Variants in UNC13A observed in about 807,000 individuals in gnomAD.
UNC13A encodes the protein unc-13 homolog A.
A neutral mutation model predicts 219.7 loss-of-function variants in UNC13A; 61 were observed. The observed-to-expected ratio is 0.28, with a 90% confidence interval of 0.23 to 0.34. The LOEUF (loss-of-function observed/expected upper bound fraction) is 0.34. UNC13A is among the 10% of genes least tolerant of loss of function. UNC13A has a pLI of 1.00. For missense variants in UNC13A, 1,476 were observed against 2,270.3 expected (o/e 0.65, Z 7.11); for synonymous variants, 920 against 884.6 (o/e 1.04, Z -0.71).
chr19:17,619,982 G>A (rs1183766526), intron 38 of UNC13A, among the ~76,000 whole-genome samples: 1 of 152,206 alleles, frequency 6.6e-6, no homozygotes, highest in Non-Finnish European at 1.5e-5. Flanking sequence ...GACTGAACAA[G>A]TCTTTGCTCA....
At chr19:17,624,990 C>G in intron 34 of UNC13A, 38 bp from the exon 35 acceptor site, 2 of 1,596,422 alleles carry the variant, frequency 1.3e-6, no homozygotes, top group Non-Finnish European at 1.7e-6. Context: ...GGGCCCAGCT[C>G]GCCCCCACCC....
chr19:17,652,541 T>A, intron 12 of UNC13A, 90 bp downstream of exon 12: 4 of 1,549,006 alleles, frequency 2.6e-6, no homozygotes, highest in East Asian at 2.2e-5. Flanking sequence ...GAACCCCTCC[T>A]CCTCCTCTCT....
At chr19:17,630,092 T>C in intron 30 of UNC13A, 53 bp downstream of exon 30, 2 of 1,530,136 alleles carry the variant, frequency 1.3e-6, no homozygotes, top group Non-Finnish European at 1.8e-6. Context: ...CAGACTTCAA[T>C]TCCCTAACCC....
At chr19:17,641,264 C>A in intron 21 of UNC13A, 129 bp downstream of exon 21, 1 of 1,186,614 alleles carries the variant, frequency 8.4e-7, no homozygotes, top group Non-Finnish European at 1.2e-6. Flanking sequence ...AGGGGAATTA[C>A]GGAACCCACC....
At chr19:17,631,132 T>C (rs1347742272) in intron 28 of UNC13A, among the ~76,000 whole-genome samples, 1 of 129,656 alleles carries the variant, frequency 7.7e-6, no homozygotes, top group African/African-American at 2.8e-5. Flanking sequence ...GGCAAGTGGG[T>C]TTATTCTCTG....
At chr19:17,609,478 G>C (rs141346276) in intron 43 of UNC13A, among the ~76,000 whole-genome samples, 231 of 152,046 alleles carry the variant, frequency 1.5e-3, no homozygotes, top group African/African-American at 5.2e-3. Context: ...TGCCCCAACG[G>C]TCCTGACAAG....
Position 17,649,719 on chromosome 19 carries a change from C to T in UNC13A, c.1440-132G>A. ...CCCTCAAAAAAAAGATACGCTGATG[C>T]CCTAACCCCCACTACCTCAGAAGGT... On this transcript the variant is annotated intron_variant, in intron 12 of 43. Transcript: ENST00000519716. The surrounding 1 kb of genome is among the most constrained non-coding windows in gnomAD (Gnocchi z 4.4). 2 of 913,218 alleles carry T rather than the reference C, an allele frequency of 2.2e-6. No homozygotes were observed. The highest frequency in any genetic ancestry group is 3.4e-6 in the Non-Finnish European group (2 of 582,292). The allele number at this position is 913,218 out of a possible 1,614,324, so 56.6% of individuals were successfully genotyped here. A position where few individuals can be genotyped will look rare whatever the true frequency, so the allele number is the denominator to read the frequency against.
rs115440236 is a variant in UNC13A at position 17,672,333 on chromosome 19, G to A, written c.270+45C>T. On this transcript the variant is annotated intron_variant, in intron 4 of 43. Transcript: ENST00000519716. ...TTAGTCCACTGGTCTCTGGGCTTCT[G>A]CAAGGCACTCCTCCTTCTTCACCCT... 1,111 of 1,519,894 alleles carry A rather than the reference G, an allele frequency of 7.3e-4. 9 individuals carry two copies. The African/African-American group carries it at 0.014, about 19-fold the overall frequency. 94.2% of individuals were successfully genotyped at this position (1,519,894 alleles called of 1,614,324 possible).
Position 17,606,671 on chromosome 19 carries a change from C to A in UNC13A, c.4812-317G>T, listed in dbSNP as rs10410630. 5.2e-3 allele frequency among the ~76,000 whole-genome samples: 793 copies of A among 151,834 alleles called. 13 individuals are homozygous for A. The highest frequency in any genetic ancestry group is 0.018 in the African/African-American group (742 of 41,126). On this transcript the variant is annotated intron_variant, in intron 43 of 43. Transcript: ENST00000519716. The stretch of plus-strand genomic sequence containing the variant: ...ACCGCCCTGCAAGGCCATGCTCCCA[C>A]CCTGAGATACCCGCGCCTGTGCCCT...
chr19:17,633,274 G>T, intron 26 of UNC13A, 81 bp from the exon 27 acceptor site: 1 of 1,324,662 alleles, frequency 7.5e-7, no homozygotes, highest in Non-Finnish European at 1.1e-6. Context: ...CTGCCCCACA[G>T]AGGAGTGTAG....
intron 6 of UNC13A, 104 bp from the exon 7 acceptor site, chr19:17,666,808 C>A: frequency 1.3e-6 from 1 of 755,308 alleles, no homozygotes; most frequent in Non-Finnish European, 1.9e-6. Flanking sequence ...CCTCTACCTC[C>A]CAAATTCTCT....
At chr19:17,663,423 G>C in intron 8 of UNC13A, 109 bp downstream of exon 8, 2 of 1,303,062 alleles carry the variant, frequency 1.5e-6, no homozygotes, top group Non-Finnish European at 2.2e-6. Context: ...CCACGTGCTC[G>C]TCACAGGCTC....
At chr19:17,661,020 TC>T (rs2079541709) in intron 8 of UNC13A, among the ~76,000 whole-genome samples, 1 of 151,590 alleles carries the variant, frequency 6.6e-6, no homozygotes, top group Non-Finnish European at 1.5e-5. Flanking sequence ...CTCACTGCAG[TC>T]CCAACCTCCT....
Position 17,606,306 on chromosome 19 carries a change from G to C in UNC13A, c.4860C>G (p.Cys1620Trp). The C allele has an allele frequency of 6.5e-7, 1 of 1,549,392 alleles. No homozygotes were observed. Among genetic ancestry groups the C allele is most frequent in the Non-Finnish European group, 8.7e-7 (1 of 1,147,616 alleles). ...AGPECYELQVCVKDYCFARED... is the reference protein window; with the variant it reads ...AGPECYELQVWVKDYCFARED... Reference sequence around the variant, plus strand: ...CGCGCGCGAAGCAGTAGTCCTTGACGCACACCTGCAGCTCATAGCACTCGG... The same window carrying C: ...CGCGCGCGAAGCAGTAGTCCTTGACCCACACCTGCAGCTCATAGCACTCGG... The change falls in exon 44 of 44, where the codon TGC becomes TGG. Residue 1620 changes from cysteine (C) to tryptophan (W), a missense_variant. This residue lies in a region of UNC13A where 187 missense variants were observed against 172.3 expected (regional missense o/e 1.09). Coordinates refer to ENST00000519716, the MANE Select transcript of UNC13A (RefSeq NM_001080421.3).
At chr19:17,639,688 G>A (rs1456958470) in intron 23 of UNC13A, among the ~76,000 whole-genome samples, 152 bp downstream of exon 23, 2 of 152,184 alleles carry the variant, frequency 1.3e-5, no homozygotes, top group African/African-American at 4.8e-5. Flanking sequence ...GCACATTACG[G>A]CAGGTAGTGC....
At chr19:17,628,525 C>T (rs895510351) in intron 31 of UNC13A, among the ~76,000 whole-genome samples, 2 of 151,710 alleles carry the variant, frequency 1.3e-5, no homozygotes, top group Non-Finnish European at 2.9e-5. Flanking sequence ...AAAACACGGT[C>T]ACACACACCC....
In UNC13A at chr19:17,624,847, C is replaced by G. The variant is rs1184027918; in HGVS notation, c.4179G>C (p.Pro1393=). The G allele has an allele frequency of 1.2e-6, 2 of 1,613,390 alleles. No individual in the cohort carries two copies. The highest frequency in any genetic ancestry group is 1.3e-5 in the African/African-American group (1 of 74,938). The change falls in exon 35 of 44, where the codon CCG becomes CCC. Residue 1393 remains proline (P), a synonymous_variant. Coordinates refer to ENST00000519716, the MANE Select transcript of UNC13A (RefSeq NM_001080421.3). ...MNTMEKTIVL[P]PLTDQTMIGN... ...GTCTCACCGTCTGGTCAGTGAGGGG[C>G]GGCAGGACGATGGTTTTCTCCATGG...
chr19:17,645,028 G>C (rs1404172647), intron 19 of UNC13A, among the ~76,000 whole-genome samples: 2 of 106,932 alleles, frequency 1.9e-5, no homozygotes, highest in Non-Finnish European at 3.7e-5. Flanking sequence ...TTTTTTTTGA[G>C]TGGGAGTTTT....
At chr19:17,653,245 C>G (rs2079384037) in intron 11 of UNC13A, among the ~76,000 whole-genome samples, 1 of 151,950 alleles carries the variant, frequency 6.6e-6, no homozygotes, top group Non-Finnish European at 1.5e-5. Flanking sequence ...GTCTTGAACT[C>G]CTGGCCTCAT....
Sources: allele counts gnomAD v4.1 joint callset (sites outside exome capture counted in the v4.1 genomes callset), GRCh38; gene constraint gnomAD v4.1.1; regional missense constraint gnomAD v4.1.1; non-coding constraint Gnocchi (gnomAD v3.1); transcripts MANE v1.5; gene names NCBI Gene and HGNC (gene_info 2026-07-23, HGNC 2026-07-21).